KDM1A: variants seen among roughly 807,000 people sequenced by gnomAD.
KDM1A encodes lysine-specific histone demethylase 1A.
Under a neutral mutation model 109.4 loss-of-function variants are expected in KDM1A, and 49 were observed. The ratio of observed to expected loss-of-function variants is 0.45; its 90% CI spans 0.36 to 0.57. KDM1A has a LOEUF of 0.57. Among genes scored for constraint, KDM1A ranks in the 20% least tolerant of loss-of-function variants. The probability of loss-of-function intolerance (pLI) is 0.00; values close to 1 mark genes in which losing one functional copy is unlikely to be tolerated. For synonymous variants in KDM1A, 380 were observed against 415.4 expected, an observed-to-expected ratio of 0.91 and a Z score of 1.04; for missense variants, 668 against 1,116.6, an observed-to-expected ratio of 0.60 and a Z score of 5.73.
At chr1:23,044,550 G>C (rs1569701834) in intron 3 of KDM1A, 64 bp downstream of exon 3, 4 of 1,429,566 alleles carry the variant, frequency 2.8e-6, no homozygotes, top group South Asian at 2.7e-5. Flanking sequence ...ATTGATGCTT[G>C]CAAGTGTTTT....
At chr1:23,042,259 A>C (rs1642357834) in intron 2 of KDM1A, among the ~76,000 whole-genome samples, 1 of 151,986 alleles carries the variant, frequency 6.6e-6, no homozygotes, top group African/African-American at 2.4e-5. Context: ...AATTTGAACG[A>C]TAACAGCTGT....
chr1:23,069,192 TAGG>T (rs1643236739), intron 12 of KDM1A, 41 bp downstream of exon 12: 1 of 1,291,616 alleles, frequency 7.7e-7, no homozygotes, highest in Admixed American at 2.1e-5. Flanking sequence ...GAAGCTTTAA[TAGG>T]AGAAAAAGTC....
At chr1:23,068,803 A>G in intron 11 of KDM1A, 122 bp downstream of exon 11, 3 of 831,690 alleles carry the variant, frequency 3.6e-6, no homozygotes, top group East Asian at 3.0e-5. Flanking sequence ...GTATGAAACC[A>G]TTGAATCCAA....
In KDM1A at chr1:23,071,339, G is replaced by A. The variant is rs1643313083; in HGVS notation, c.1528G>A (p.Asp510Asn). 3.1e-6 allele frequency: 5 copies of A among 1,612,050 alleles called. No homozygotes were observed. The highest frequency in any genetic ancestry group is 1.1e-5 in the South Asian group (1 of 90,594). Residue 510 changes from aspartate (D) to asparagine (N), a missense_variant, in exon 13 of 21, where the codon GAT becomes AAT. By Grantham distance (23) the Asp-to-Asn change is conservative. This residue lies in a region of KDM1A where 162 missense variants were observed against 376.4 expected (regional missense o/e 0.43). Transcript: ENST00000400181. ...GTTCTTAGTGAAAAGCAAACACAGG[G>A]ATCTGACCGCCCTATGCAAGGTGTG... is the stretch of plus-strand genomic sequence containing the variant. ...AEFLVKSKHR[D>N]LTALCKEYDE...
intron 2 of KDM1A, among the ~76,000 whole-genome samples, chr1:23,041,435 C>CTTTTTTTTTTTTT (rs66720696): frequency 1.9e-5 from 1 of 53,006 alleles, no homozygotes; most frequent in Non-Finnish European, 3.2e-5. Flanking sequence ...TCTTTTCTTG[C>CTTTTTTTTTTTTT]TTTTTTTTTT....
chr1:23,073,446 G>A (rs779236791), intron 15 of KDM1A, 43 bp downstream of exon 15: 10 of 1,027,506 alleles, frequency 9.7e-6, no homozygotes, highest in Non-Finnish European at 1.5e-5. Context: ...ATGCCTTTGA[G>A]AGGGATTGTA....
intron 3 of KDM1A, among the ~76,000 whole-genome samples, chr1:23,044,924 A>T (rs371516621): frequency 3.3e-4 from 50 of 152,316 alleles, no homozygotes; most frequent in African/African-American, 1.2e-3. Flanking sequence ...TGGGCAAGTG[A>T]CATCTTTTTA....
chr1:23,075,479 G>T (rs1041036052), intron 15 of KDM1A, among the ~76,000 whole-genome samples: 3 of 151,636 alleles, frequency 2.0e-5, no homozygotes, highest in African/African-American at 7.3e-5. Flanking sequence ...GCTGAGGCAC[G>T]AGAATTGCCT....
chr1:23,070,605 G>A (rs1197846732), intron 12 of KDM1A, among the ~76,000 whole-genome samples: 5 of 152,012 alleles, frequency 3.3e-5, no homozygotes, highest in East Asian at 1.9e-4. Flanking sequence ...TCAAGAGATC[G>A]AGACCATTCT....
chr1:23,029,194 G>A (rs570043252), intron 1 of KDM1A, among the ~76,000 whole-genome samples: 20 of 152,152 alleles, frequency 1.3e-4, no homozygotes, highest in African/African-American at 4.1e-4. Context: ...AAGACATTTA[G>A]CAAGTTAAAA....
At chr1:23,069,659 A>G (rs1643261961) in intron 12 of KDM1A, among the ~76,000 whole-genome samples, 1 of 152,338 alleles carries the variant, frequency 6.6e-6, no homozygotes, top group South Asian at 2.1e-4. Flanking sequence ...GACTAGCAGG[A>G]GAATTAGCTG....
chr1:23,034,796 A>C (rs1057258710), intron 2 of KDM1A, among the ~76,000 whole-genome samples: 1 of 152,224 alleles, frequency 6.6e-6, no homozygotes, highest in African/African-American at 2.4e-5. Flanking sequence ...CTTTCATGGA[A>C]AGTTATTCTA....
At chr1:23,057,599 T>C (rs754950417) in intron 8 of KDM1A, 34 bp downstream of exon 8, 2 of 1,485,340 alleles carry the variant, frequency 1.3e-6, no homozygotes, top group Non-Finnish European at 1.9e-6. Flanking sequence ...ATATAGTACA[T>C]GGTCTAAGAC....
chr1:23,020,099 A>T, intron 1 of KDM1A, 152 bp downstream of exon 1: 1 of 828,470 alleles, frequency 1.2e-6, no homozygotes, highest in East Asian at 3.4e-5. Flanking sequence ...CTCTAGCTGG[A>T]CGGGTGGGGT....
intron 2 of KDM1A, among the ~76,000 whole-genome samples, chr1:23,043,093 G>T (rs941897647): frequency 7.9e-5 from 12 of 152,184 alleles, no homozygotes; most frequent in African/African-American, 2.7e-4. Flanking sequence ...TACTAAGAGT[G>T]AATATATCTG....
At chr1:23,067,926 ACT>A (rs1422378301) in intron 10 of KDM1A, among the ~76,000 whole-genome samples, 2 of 152,018 alleles carry the variant, frequency 1.3e-5, no homozygotes, top group Non-Finnish European at 2.9e-5. Flanking sequence ...TTACTCATAG[ACT>A]CTCTTAAGAG....
At chr1:23,046,284 G>T (rs1348073987) in intron 3 of KDM1A, among the ~76,000 whole-genome samples, 1 of 152,076 alleles carries the variant, frequency 6.6e-6, no homozygotes, top group Non-Finnish European at 1.5e-5. Flanking sequence ...AGTATAGGAG[G>T]TTGTACAATT....
chr1:23,062,379 T>C (rs968416851), intron 9 of KDM1A, among the ~76,000 whole-genome samples: 1 of 152,228 alleles, frequency 6.6e-6, no homozygotes, highest in African/African-American at 2.4e-5. Context: ...GATTTTTCTT[T>C]AGTAAACTTG....
At chr1:23,056,529 T>C (rs1055976481) in intron 7 of KDM1A, among the ~76,000 whole-genome samples, 1 of 152,096 alleles carries the variant, frequency 6.6e-6, no homozygotes, top group Non-Finnish European at 1.5e-5. Flanking sequence ...AAGAGCATCA[T>C]ATTAGGATGC....
Sources: gnomAD v4.1 joint callset for allele counts (sites outside exome capture counted in the v4.1 genomes callset) on GRCh38, gnomAD v4.1.1 for gene constraint, gnomAD v4.1.1 regional missense constraint, MANE v1.5 for transcripts, NCBI Gene and HGNC (gene_info 2026-07-23, HGNC 2026-07-21) for gene names.